The following GNA13 variants were observed in gnomAD, a reference collection of about 807,000 sequenced individuals.
GNA13 encodes the protein guanine nucleotide-binding protein subunit alpha-13.
GNA13 carries 4 observed loss-of-function variants against 33.5 expected under a neutral mutation model. The observed-to-expected ratio is 0.12, with a 90% CI of 0.06 to 0.27. The LOEUF (loss-of-function observed/expected upper bound fraction) is 0.27. Among genes scored for constraint, GNA13 ranks in the 10% least tolerant of loss-of-function variants. The pLI is 1.00. For synonymous variants in GNA13, 176 were observed against 183.8 expected (o/e 0.96, Z 0.34); for missense variants, 319 against 487.2 (o/e 0.65, Z 3.25).
At chr17:65,044,909 G>T (rs932833629) in intron 2 of GNA13, among the ~76,000 whole-genome samples, 1 of 151,770 alleles carries the variant, frequency 6.6e-6, no homozygotes, top group Non-Finnish European at 1.5e-5. Context: ...CAGGCATGGT[G>T]GCCCATACCT....
At chr17:65,031,355 C>T (rs2143795860) in intron 2 of GNA13, among the ~76,000 whole-genome samples, 1 of 152,348 alleles carries the variant, frequency 6.6e-6, no homozygotes, top group Admixed American at 6.5e-5. Context: ...ATTTTATATG[C>T]AGTCAGTCCT....
At chr17:65,056,079 G>C (rs1373151547) in intron 1 of GNA13, among the ~76,000 whole-genome samples, 1 of 152,066 alleles carries the variant, frequency 6.6e-6, no homozygotes, top group Admixed American at 6.5e-5. Flanking sequence ...ACGCCCACCG[G>C]GGAGACAAGC....
intron 2 of GNA13, among the ~76,000 whole-genome samples, chr17:65,045,417 G>C (rs1179785516): frequency 1.3e-5 from 2 of 151,524 alleles, no homozygotes; most frequent in Non-Finnish European, 2.9e-5. Context: ...TAACTTGGGA[G>C]GCTGGGTCAG....
chr17:65,016,042 T>A (rs1454893530), intron 3 of GNA13, among the ~76,000 whole-genome samples: 2 of 152,168 alleles, frequency 1.3e-5, no homozygotes, highest in East Asian at 3.8e-4. Context: ...TCTAAGACCC[T>A]GAACAAACAG....
intron 2 of GNA13, among the ~76,000 whole-genome samples, chr17:65,021,258 T>C (rs1045891131): frequency 2.0e-5 from 3 of 152,220 alleles, no homozygotes; most frequent in Non-Finnish European, 4.4e-5. Flanking sequence ...TAGGTGAGCT[T>C]CAGTGACCCT....
In GNA13 at chr17:65,010,499, AAAAACAAAAC is replaced by A. The variant is rs769153869; in HGVS notation, c.*3748_*3757del. On this transcript the variant is annotated 3_prime_UTR_variant, in exon 4 of 4. Transcript: ENST00000439174. ...AAAGCCACCCTGTATCCTATCATTA[AAAAACAAAAC>A]AAAACAAAACAAAACAGTGCTTTTA... Among the ~76,000 whole-genome samples, 176 of 152,196 alleles carry A rather than the reference AAAAACAAAAC, an allele frequency of 1.2e-3. No individual in the cohort carries two copies. The highest frequency in any genetic ancestry group is 3.4e-3 in the Middle Eastern group (1 of 294).
chr17:65,033,968 ACCCTGCTACACTCCAG>A (rs1457635259), intron 2 of GNA13, among the ~76,000 whole-genome samples: 3 of 119,742 alleles, frequency 2.5e-5, no homozygotes, highest in Non-Finnish European at 4.8e-5. Context: ...AGCCAAGATC[ACCCTGCTACACTCCAG>A]CCTGGGCAAC....
chr17:65,048,745 C>T (rs1907758299), intron 2 of GNA13, among the ~76,000 whole-genome samples: 1 of 152,100 alleles, frequency 6.6e-6, no homozygotes, highest in South Asian at 2.1e-4. Flanking sequence ...TCCCTTGTCC[C>T]GAAAATTGAT....
chr17:65,021,989 T>C (rs909465859), intron 2 of GNA13, among the ~76,000 whole-genome samples: 1 of 152,174 alleles, frequency 6.6e-6, no homozygotes, highest in Non-Finnish European at 1.5e-5. Context: ...GAAGAGCTGG[T>C]TGAGAGCAAA....
At chr17:65,035,357 T>A (rs1027146739) in intron 2 of GNA13, among the ~76,000 whole-genome samples, 11 of 152,158 alleles carry the variant, frequency 7.2e-5, no homozygotes, top group African/African-American at 2.7e-4. Flanking sequence ...GAAATGCTCA[T>A]GATGCAACAT....
At chr17:65,034,235 T>C (rs1268840866) in intron 2 of GNA13, among the ~76,000 whole-genome samples, 1 of 152,108 alleles carries the variant, frequency 6.6e-6, no homozygotes, top group East Asian at 1.9e-4. Flanking sequence ...CTACTGCACA[T>C]GAAATAAGAG....
Position 65,012,521 on chromosome 17 carries a change from G to C in GNA13, c.*1736C>G, listed in dbSNP as rs1906231151. 4 of 219,054 alleles carry C rather than the reference G, an allele frequency of 1.8e-5. No individual in the cohort carries two copies. The highest frequency in any genetic ancestry group is 3.7e-5 in the Non-Finnish European group (4 of 109,106). The allele number at this position is 219,054 out of a possible 1,614,324, so 13.6% of individuals were successfully genotyped here. A position where few individuals can be genotyped will look rare whatever the true frequency, so the allele number is the denominator to read the frequency against. Reference sequence around the variant, plus strand: ...TGCATCACGGTGCCGGGCTACGTATGTGTAGCTCATGGATTACCATGGCAT... The same window carrying C: ...TGCATCACGGTGCCGGGCTACGTATCTGTAGCTCATGGATTACCATGGCAT... On this transcript the variant is annotated 3_prime_UTR_variant, in exon 4 of 4. Coordinates refer to ENST00000439174, the MANE Select transcript of GNA13 (RefSeq NM_006572.6).
intron 2 of GNA13, among the ~76,000 whole-genome samples, chr17:65,039,711 A>T (rs967576406): frequency 6.6e-6 from 1 of 152,148 alleles, no homozygotes; most frequent in African/African-American, 2.4e-5. Flanking sequence ...CATTTACCAC[A>T]TGTGTAATTA....
chr17:65,055,627 C>T, intron 1 of GNA13: 2 of 985,446 alleles, frequency 2.0e-6, no homozygotes, highest in Non-Finnish European at 2.4e-6. Flanking sequence ...AGCACAGATG[C>T]TACATTTTCA....
rs1906166476 is a variant in GNA13 at position 65,010,961 on chromosome 17, T to A, written c.*3296A>T. On this transcript the variant is annotated 3_prime_UTR_variant, in exon 4 of 4. Transcript: ENST00000439174. Reference sequence around the variant, plus strand: ...GGGTTTCTCAAATAGTGATTTGAATTTTAGGACATAACAGTGTAACATGGT... The same window carrying A: ...GGGTTTCTCAAATAGTGATTTGAATATTAGGACATAACAGTGTAACATGGT... 1 of 200,466 alleles carries A rather than the reference T, an allele frequency of 5.0e-6. No homozygotes were observed. 12.4% of individuals were successfully genotyped at this position (200,466 alleles called of 1,614,324 possible). A position where few individuals can be genotyped will look rare whatever the true frequency, so the allele number is the denominator to read the frequency against.
chr17:65,013,113 C>T lies in GNA13; in HGVS notation c.*1144G>A, dbSNP rs549810307. On this transcript the variant is annotated 3_prime_UTR_variant, in exon 4 of 4. Coordinates refer to ENST00000439174, the MANE Select transcript of GNA13 (RefSeq NM_006572.6). ...AAAAAAGCTGGACTTTCAACAACAACAATTATACAAATGTATACATACTGT... is the reference window on the plus strand; with the variant it reads ...AAAAAAGCTGGACTTTCAACAACAATAATTATACAAATGTATACATACTGT... 9.9e-6 allele frequency: 2 copies of T among 202,544 alleles called. No individual in the cohort carries two copies. Among genetic ancestry groups the T allele is most frequent in the South Asian group, 1.9e-4 (1 of 5,226 alleles). 12.5% of individuals were successfully genotyped at this position (202,544 alleles called of 1,614,324 possible). A position where few individuals can be genotyped will look rare whatever the true frequency, so the allele number is the denominator to read the frequency against.
intron 2 of GNA13, among the ~76,000 whole-genome samples, chr17:65,041,370 C>A: frequency 6.6e-6 from 1 of 151,924 alleles, no homozygotes; most frequent in South Asian, 2.1e-4. Context: ...ATACTTTCTT[C>A]TTTGAGGGGA....
chr17:65,030,757 A>C (rs1056695506), intron 2 of GNA13, among the ~76,000 whole-genome samples: 2 of 152,210 alleles, frequency 1.3e-5, no homozygotes, highest in Admixed American at 6.5e-5. Flanking sequence ...TCATGCTTGT[A>C]ATCTCAGCAC....
At chr17:65,044,912 C>A (rs1907601958) in intron 2 of GNA13, among the ~76,000 whole-genome samples, 1 of 150,814 alleles carries the variant, frequency 6.6e-6, no homozygotes, top group African/African-American at 2.4e-5. Context: ...GCATGGTGGC[C>A]CATACCTGTA....
Sources: gnomAD v4.1 joint callset for allele counts (sites outside exome capture counted in the v4.1 genomes callset) on GRCh38, gnomAD v4.1.1 for gene constraint, MANE v1.5 for transcripts, NCBI Gene and HGNC (gene_info 2026-07-23, HGNC 2026-07-21) for gene names.